Variants in RAB28 observed in about 807,000 individuals in gnomAD.
The protein encoded by RAB28 is RAB28, member RAS oncogene family, also known as ras-related protein Rab-28.
In RAB28, 24 loss-of-function variants were observed where a neutral mutation model predicts 31.7. That is an observed-to-expected ratio of 0.76 (90% confidence interval 0.55 to 1.06). The LOEUF is 1.06. Among genes scored for constraint, RAB28 ranks in the 50% least tolerant of loss-of-function variants. RAB28 has a pLI of 0.00. For missense variants in RAB28, 254 were observed against 258.5 expected (o/e 0.98, Z 0.12); for synonymous variants, 100 against 90.4 (o/e 1.11, Z -0.60).
At chr4:13,448,097 C>G (rs186516557) in intron 4 of RAB28, among the ~76,000 whole-genome samples, 9 of 152,184 alleles carry the variant, frequency 5.9e-5, no homozygotes, top group African/African-American at 2.2e-4. Context: ...AGAAAAATAT[C>G]TAAAGTTTTC....
At chr4:13,465,361 G>GA (rs141558696) in intron 3 of RAB28, among the ~76,000 whole-genome samples, 10,396 of 141,248 alleles carry the variant, frequency 0.074, 805 homozygotes, top group African/African-American at 0.21. Context: ...TTGCTCAAAA[G>GA]AAAAAAAAAA....
chr4:13,403,476 T>C (rs1711898148), intron 4 of RAB28, among the ~76,000 whole-genome samples: 1 of 152,230 alleles, frequency 6.6e-6, no homozygotes, highest in Admixed American at 6.5e-5. Flanking sequence ...CTGTTCCACT[T>C]GTCACAAAAT....
At chr4:13,464,236 A>G (rs572085407) in intron 3 of RAB28, among the ~76,000 whole-genome samples, 11 of 152,242 alleles carry the variant, frequency 7.2e-5, no homozygotes, top group African/African-American at 2.4e-4. Flanking sequence ...CCAGATTATC[A>G]GTAAAGAGCC....
chr4:13,463,124 T>C (rs1025833323), intron 3 of RAB28, among the ~76,000 whole-genome samples: 5 of 152,212 alleles, frequency 3.3e-5, no homozygotes, highest in African/African-American at 1.2e-4. Flanking sequence ...GTTATCATAC[T>C]AAGTGAACAA....
intron 4 of RAB28, among the ~76,000 whole-genome samples, chr4:13,420,866 C>T (rs1415222610): frequency 7.2e-5 from 11 of 152,186 alleles, no homozygotes; most frequent in Non-Finnish European, 4.4e-5. Context: ...ATTCCTTTCT[C>T]ACCAGTCCTA....
At chr4:13,376,935 C>G (rs73229636) in intron 5 of RAB28, among the ~76,000 whole-genome samples, 5,623 of 152,204 alleles carry the variant, frequency 0.037, 174 homozygotes, top group African/African-American at 0.083. Context: ...CTACTTACTA[C>G]TATAAAAACT....
At chr4:13,417,221 C>T (rs1183304299) in intron 4 of RAB28, among the ~76,000 whole-genome samples, 1 of 152,196 alleles carries the variant, frequency 6.6e-6, no homozygotes, top group Non-Finnish European at 1.5e-5. Flanking sequence ...AGTTGGTAAA[C>T]AAAGTGGCCA....
intron 6 of RAB28, chr4:13,370,788 A>C: frequency 4.1e-6 from 4 of 980,980 alleles, no homozygotes; most frequent in Non-Finnish European, 2.4e-6. Flanking sequence ...AAAAAAAATC[A>C]CAAGGTACAA....
chr4:13,442,135 G>A (rs890471608), intron 4 of RAB28, among the ~76,000 whole-genome samples: 4 of 152,110 alleles, frequency 2.6e-5, no homozygotes, highest in Non-Finnish European at 5.9e-5. Flanking sequence ...AGGCATTCAC[G>A]TTCACCATTT....
chr4:13,447,486 G>A (rs943207704), intron 4 of RAB28, among the ~76,000 whole-genome samples: 1 of 152,080 alleles, frequency 6.6e-6, no homozygotes, highest in African/African-American at 2.4e-5. Flanking sequence ...GAGAGAGAGA[G>A]AAAGACCATA....
chr4:13,376,324 C>T (rs1311985296), intron 6 of RAB28, among the ~76,000 whole-genome samples: 1 of 151,912 alleles, frequency 6.6e-6, no homozygotes. Flanking sequence ...ATCTTTTTCC[C>T]AACAAAAGAG....
intron 1 of RAB28, among the ~76,000 whole-genome samples, chr4:13,481,383 TCTTCA>T (rs1328616826): frequency 2.0e-5 from 3 of 152,208 alleles, no homozygotes; most frequent in South Asian, 2.1e-4. Context: ...GGTCACTTTC[TCTTCA>T]CTTATCTAGA....
intron 1 of RAB28, among the ~76,000 whole-genome samples, chr4:13,482,287 T>TA (rs1430460673): frequency 2.0e-5 from 3 of 152,100 alleles, no homozygotes; most frequent in African/African-American, 4.8e-5. Context: ...ATAGGCTAAA[T>TA]AAAAAACTCA....
chr4:13,387,587 G>A (rs1729431719), intron 4 of RAB28, among the ~76,000 whole-genome samples: 2 of 152,020 alleles, frequency 1.3e-5, no homozygotes, highest in African/African-American at 4.8e-5. Flanking sequence ...ATTATACAGT[G>A]TGGAGGTTTG....
intron 6 of RAB28, chr4:13,371,234 A>G: frequency 1.0e-6 from 1 of 985,396 alleles, no homozygotes; most frequent in Middle Eastern, 5.2e-4. Flanking sequence ...CTCATGATTT[A>G]CTAGGCACTC....
chr4:13,394,162 T>G (rs1729772225), intron 4 of RAB28, among the ~76,000 whole-genome samples: 1 of 152,008 alleles, frequency 6.6e-6, no homozygotes, highest in African/African-American at 2.4e-5. Flanking sequence ...CAATGACAAT[T>G]TTACATAGGA....
At chr4:13,390,219 C>CA (rs1729564941) in intron 4 of RAB28, among the ~76,000 whole-genome samples, 1 of 152,098 alleles carries the variant, frequency 6.6e-6, no homozygotes, top group African/African-American at 2.4e-5. Context: ...TCTCAGGATA[C>CA]AAAATCAATG....
chr4:13,477,640 A>G (rs1168035701), intron 2 of RAB28, among the ~76,000 whole-genome samples: 1 of 149,800 alleles, frequency 6.7e-6, no homozygotes, highest in East Asian at 1.9e-4. Flanking sequence ...CATAAAACCA[A>G]CTGCCTTAAA....
At chr4:13,433,049 A>G (rs1713897275) in intron 4 of RAB28, among the ~76,000 whole-genome samples, 1 of 151,738 alleles carries the variant, frequency 6.6e-6, no homozygotes, top group Non-Finnish European at 1.5e-5. Context: ...AACCAACCTT[A>G]TGCTGCTGTG....
Sources: gnomAD v4.1 joint callset for allele counts (sites outside exome capture counted in the v4.1 genomes callset) on GRCh38, gnomAD v4.1.1 for gene constraint, MANE v1.5 for transcripts, NCBI Gene and HGNC (gene_info 2026-07-23, HGNC 2026-07-21) for gene names.